Variants in BANK1 observed in about 807,000 individuals in gnomAD.
BANK1 encodes the protein B cell scaffold protein with ankyrin repeats 1, also known as B-cell scaffold protein with ankyrin repeats.
BANK1 carries 95 observed loss-of-function variants against 94.5 expected under a neutral mutation model. That is an observed-to-expected ratio of 1.00 (90% CI 0.85 to 1.19). The LOEUF (loss-of-function observed/expected upper bound fraction) is 1.19, where lower values mean the gene tolerates loss of function less well. Among genes scored for constraint, BANK1 ranks in the 50% most tolerant of loss-of-function variants. The probability of loss-of-function intolerance (pLI) is 0.00; values close to 1 mark genes in which losing one functional copy is unlikely to be tolerated. For missense variants in BANK1, 987 were observed against 932.2 expected, an observed-to-expected ratio of 1.06 and a Z score of -0.77; for synonymous variants, 334 against 308.4, an observed-to-expected ratio of 1.08 and a Z score of -0.87.
At chr4:101,871,121 C>T (rs1477850877) in intron 5 of BANK1, among the ~76,000 whole-genome samples, 1 of 152,012 alleles carries the variant, frequency 6.6e-6, no homozygotes, top group African/African-American at 2.4e-5. Context: ...CATCTAAGCT[C>T]AGTGTATGTT....
chr4:101,792,255 T>TCCCCCCCCCCCCCCCCCCCCC (rs771698917), intron 1 of BANK1, among the ~76,000 whole-genome samples: 1 of 128,662 alleles, frequency 7.8e-6, no homozygotes. Context: ...TGCATTCCGC[T>TCCCCCCCCCCCCCCCCCCCCC]CCCCCCCCGC....
intron 6 of BANK1, among the ~76,000 whole-genome samples, chr4:101,911,191 C>T (rs772263329): frequency 2.6e-5 from 4 of 152,102 alleles, no homozygotes; most frequent in Non-Finnish European, 4.4e-5. Flanking sequence ...TTTGCTAGTC[C>T]CCAGACGACT....
At chr4:101,865,490 G>A (rs1277439148) in intron 4 of BANK1, among the ~76,000 whole-genome samples, 2 of 152,028 alleles carry the variant, frequency 1.3e-5, no homozygotes, top group Non-Finnish European at 1.5e-5. Flanking sequence ...GATAATCGTG[G>A]TGAAATACTC....
At chr4:101,935,962 TA>T (rs1723516875) in intron 7 of BANK1, among the ~76,000 whole-genome samples, 2 of 151,340 alleles carry the variant, frequency 1.3e-5, no homozygotes, top group Admixed American at 1.3e-4. Flanking sequence ...ATGAATCTAT[TA>T]AAAGAAAACA....
intron 7 of BANK1, among the ~76,000 whole-genome samples, chr4:101,986,833 G>GTA (rs1422267398): frequency 0.023 from 2,284 of 97,852 alleles, 108 homozygotes; most frequent in South Asian, 0.034. Context: ...GTATATATAT[G>GTA]TATATATATG....
chr4:102,029,867 G>A, intron 9 of BANK1, 93 bp from the exon 10 acceptor site: 1 of 1,248,722 alleles, frequency 8.0e-7, no homozygotes. Context: ...ACTTGACTAA[G>A]CCACCTTGGG....
At chr4:101,881,665 T>G (rs1728681411) in intron 5 of BANK1, among the ~76,000 whole-genome samples, 1 of 152,124 alleles carries the variant, frequency 6.6e-6, no homozygotes, top group Non-Finnish European at 1.5e-5. Context: ...GGAAGCAACC[T>G]AAGTGTCCAT....
intron 2 of BANK1, among the ~76,000 whole-genome samples, chr4:101,830,919 T>G (rs1296392514): frequency 6.6e-6 from 1 of 151,488 alleles, no homozygotes. Context: ...AAGTTGGCTA[T>G]TTTTTTTGGA....
At chr4:102,021,306 A>T (rs570054170) in intron 7 of BANK1, among the ~76,000 whole-genome samples, 1 of 152,056 alleles carries the variant, frequency 6.6e-6, no homozygotes, top group African/African-American at 2.4e-5. Context: ...TTTTTAAAGC[A>T]ATTCATTGTT....
At chr4:101,947,149 T>C (rs892560570) in intron 7 of BANK1, among the ~76,000 whole-genome samples, 1 of 151,570 alleles carries the variant, frequency 6.6e-6, no homozygotes, top group Non-Finnish European at 1.5e-5. Flanking sequence ...CCTAAATTTA[T>C]GATCTCAGTA....
At chr4:102,073,867 G>C (rs952806366) in intron 16 of BANK1, 119 bp downstream of exon 16, 10 of 721,848 alleles carry the variant, frequency 1.4e-5, no homozygotes, top group Non-Finnish European at 2.2e-5. Context: ...TCTCCTGAAA[G>C]GATTAACATG....
chr4:101,863,829 T>G (rs1259249651), intron 4 of BANK1, among the ~76,000 whole-genome samples: 1 of 152,134 alleles, frequency 6.6e-6, no homozygotes, highest in East Asian at 1.9e-4. Context: ...CTAATTAGTT[T>G]CAGAATTTAA....
intron 7 of BANK1, among the ~76,000 whole-genome samples, chr4:101,933,107 C>G (rs74319633): frequency 6.6e-6 from 1 of 151,406 alleles, no homozygotes; most frequent in Non-Finnish European, 1.5e-5. Context: ...CAAATGCAAG[C>G]ATGAGTTTTA....
intron 1 of BANK1, among the ~76,000 whole-genome samples, chr4:101,806,402 A>G (rs1054577665): frequency 1.3e-5 from 2 of 152,218 alleles, no homozygotes; most frequent in African/African-American, 4.8e-5. Context: ...AGGATAGATC[A>G]TCCTCCATAT....
At chr4:102,023,536 G>T (rs1345745178) in intron 8 of BANK1, among the ~76,000 whole-genome samples, 1 of 152,154 alleles carries the variant, frequency 6.6e-6, no homozygotes, top group African/African-American at 2.4e-5. Flanking sequence ...AACTGTGTGT[G>T]ACTGGGCTCA....
In BANK1 at chr4:101,791,000, G is replaced by A; in HGVS notation, c.70+50G>A. ...GCTTGACGCCGAGGCCGGGCTACGG[G>A]GCTCTGCGGAGACCACGGGCCATCG... is the stretch of plus-strand genomic sequence containing the variant. On this transcript the variant is annotated intron_variant, in intron 1 of 16. Coordinates refer to ENST00000322953, the MANE Select transcript of BANK1 (RefSeq NM_017935.5). The A allele has an allele frequency of 2.8e-6, 4 of 1,406,290 alleles. No individual in the cohort carries two copies. In the South Asian group the frequency reaches 4.3e-5, roughly 15 times the overall value. 87.1% of individuals were successfully genotyped at this position (1,406,290 alleles called of 1,614,324 possible).
chr4:102,030,717 G>A (rs1291607242), intron 10 of BANK1, among the ~76,000 whole-genome samples: 1 of 151,676 alleles, frequency 6.6e-6, no homozygotes, highest in African/African-American at 2.4e-5. Flanking sequence ...GTGATAGTTT[G>A]CTGAGAATGA....
At chr4:102,044,218 TC>T (rs1727799500) in intron 11 of BANK1, among the ~76,000 whole-genome samples, 1 of 152,068 alleles carries the variant, frequency 6.6e-6, no homozygotes, top group African/African-American at 2.4e-5. Context: ...AGTGTGATAT[TC>T]CCCTTCCTGT....
chr4:102,007,147 TA>T (rs1560682341), intron 7 of BANK1, among the ~76,000 whole-genome samples: 29 of 10,276 alleles, frequency 2.8e-3, no homozygotes, highest in African/African-American at 0.014. Context: ...AAATATATTT[TA>T]TATATATATA....
Sources: gnomAD v4.1 joint callset for allele counts (sites outside exome capture counted in the v4.1 genomes callset) on GRCh38, gnomAD v4.1.1 for gene constraint, MANE v1.5 for transcripts, NCBI Gene and HGNC (gene_info 2026-07-23, HGNC 2026-07-21) for gene names.